Variants in DLG5 observed in about 807,000 individuals in gnomAD.
DLG5 encodes the protein disks large homolog 5.
A neutral mutation model predicts 189.8 loss-of-function variants in DLG5; 48 were observed. The observed-to-expected ratio is 0.25, with a 90% CI of 0.20 to 0.32. The LOEUF is 0.32. Ranked by LOEUF, DLG5 falls within the 10% of genes least tolerant of loss-of-function variation. DLG5 has a pLI of 1.00. For missense variants in DLG5, 2,160 were observed against 2,544.7 expected, an observed-to-expected ratio of 0.85 and a Z score of 3.25; for synonymous variants, 1,016 against 1,054.1, an observed-to-expected ratio of 0.96 and a Z score of 0.70.
At chr10:77,939,441 A>C in the DLG5 span, among the ~76,000 whole-genome samples, 2 of 151,054 alleles carry the variant, frequency 1.3e-5, no homozygotes, top group South Asian at 4.2e-4. Context: ...TAAAACAGAA[A>C]CCCCCCTGGG....
intron 7 of DLG5, 81 bp downstream of exon 7, chr10:77,841,800 C>T (rs150620766): frequency 1.0e-5 from 15 of 1,497,544 alleles, no homozygotes; most frequent in Middle Eastern, 1.8e-4. Context: ...GCTTCTAATC[C>T]GGACACCACG....
intron 2 of DLG5, among the ~76,000 whole-genome samples, chr10:77,857,963 CCT>C (rs1337556130): frequency 6.6e-6 from 1 of 152,166 alleles, no homozygotes; most frequent in Admixed American, 6.5e-5. Flanking sequence ...CCTGACCACC[CCT>C]GTCCCACTGA....
intron 1 of DLG5, among the ~76,000 whole-genome samples, chr10:77,916,422 C>G (rs1846358012): frequency 6.6e-6 from 1 of 152,064 alleles, no homozygotes; most frequent in Non-Finnish European, 1.5e-5. Context: ...TCCCAAGTAG[C>G]TGGGATTACA....
At chr10:77,816,222 TA>T in intron 20 of DLG5, 1 of 595,370 alleles carries the variant, frequency 1.7e-6, no homozygotes, top group Non-Finnish European at 3.2e-6. Context: ...AGGGTCCCTG[TA>T]AGGATCTCGT....
At position 77,792,435 on chromosome 10, in the gene DLG5, T is replaced by C; in HGVS notation, c.*5A>G. ...AGCTGCAGTCATCCACAGCACAGCA[T>C]TCTCCTAGAGCGGGCAGGCTGGAAT... On this transcript the variant is annotated 3_prime_UTR_variant, in exon 32 of 32. Coordinates refer to ENST00000372391, the MANE Select transcript of DLG5 (RefSeq NM_004747.4). 1 of 1,614,082 alleles carries C rather than the reference T, an allele frequency of 6.2e-7. No homozygotes were observed. Among genetic ancestry groups the C allele is most frequent in the Non-Finnish European group, 8.5e-7 (1 of 1,179,926 alleles).
chr10:77,802,006 A>G (rs552250040), intron 27 of DLG5, among the ~76,000 whole-genome samples: 70 of 152,314 alleles, frequency 4.6e-4, no homozygotes, highest in African/African-American at 1.5e-3. Flanking sequence ...TGACGTGAAG[A>G]TGGAGCAGAT....
rs750628056 is a variant in DLG5, at chr10:77,834,010, C to T, written c.1652G>A (p.Arg551Gln). Residue 551 changes from arginine to glutamine, a missense_variant, in exon 9 of 32, where the codon CGG (arginine) becomes CAG (glutamine). By Grantham distance (43) the Arg-to-Gln change is conservative. Around this residue, in one of 5 missense-constraint regions of DLG5, gnomAD observed 664 missense variants for 838.5 expected, o/e 0.79. Transcript: ENST00000372391. The part of the protein sequence containing the change: ...RTLCDNLRRE[R>Q]DRAVSELAEA... ...AGCCAGCTCGCTCACCGCACGGTCC[C>T]GCTCCCGCCTCAGGTTGTCACACAG... 1 of 1,609,442 alleles carries T rather than the reference C, an allele frequency of 6.2e-7. No individual in the cohort carries two copies. The highest frequency in any genetic ancestry group is 8.5e-7 in the Non-Finnish European group (1 of 1,179,888).
At chr10:77,815,108 T>C (rs943983095) in intron 20 of DLG5, among the ~76,000 whole-genome samples, 6 of 151,992 alleles carry the variant, frequency 3.9e-5, no homozygotes, top group African/African-American at 1.4e-4. Flanking sequence ...TGGCAGTGGG[T>C]GGCAAGGCCT....
chr10:77,853,252 G>T, intron 5 of DLG5, 102 bp downstream of exon 5: 1 of 1,145,132 alleles, frequency 8.7e-7, no homozygotes, highest in East Asian at 2.9e-5. Flanking sequence ...ACAGATGTGA[G>T]CCAACGTGCC....
intron 7 of DLG5, 145 bp from the exon 8 acceptor site, chr10:77,836,067 C>A (rs1365217842): frequency 5.1e-6 from 4 of 781,090 alleles, no homozygotes; most frequent in African/African-American, 1.8e-5. Flanking sequence ...CACCCCATAC[C>A]CCCAGTGACT....
chr10:77,885,453 C>T (rs555822257), intron 1 of DLG5, among the ~76,000 whole-genome samples: 2 of 152,068 alleles, frequency 1.3e-5, no homozygotes, highest in African/African-American at 2.4e-5. Context: ...TCTTGAGTAA[C>T]GAGGGAAAAT....
chr10:77,837,397 C>G (rs1843197989), intron 7 of DLG5, among the ~76,000 whole-genome samples: 1 of 152,124 alleles, frequency 6.6e-6, no homozygotes, highest in Non-Finnish European at 1.5e-5. Context: ...AGATGAGCAT[C>G]TAGGAGGGAG....
chr10:77,939,343 A>G, the DLG5 span, among the ~76,000 whole-genome samples: 46 of 152,288 alleles, frequency 3.0e-4, no homozygotes, highest in East Asian at 7.7e-3. Flanking sequence ...CATGGGCCCA[A>G]TCAGACTCTT....
At chr10:77,838,374 T>C (rs1843251659) in intron 7 of DLG5, among the ~76,000 whole-genome samples, 2 of 152,030 alleles carry the variant, frequency 1.3e-5, no homozygotes, top group Non-Finnish European at 2.9e-5. Flanking sequence ...CTGGGAGCAA[T>C]GAGACTTCCC....
chr10:77,823,882 G>T (rs1381408776), intron 14 of DLG5, among the ~76,000 whole-genome samples: 1 of 152,088 alleles, frequency 6.6e-6, no homozygotes, highest in Non-Finnish European at 1.5e-5. Context: ...GAGTGCAGTG[G>T]CACAATCACA....
At chr10:77,836,678 T>C (rs930131561) in intron 7 of DLG5, among the ~76,000 whole-genome samples, 1 of 152,134 alleles carries the variant, frequency 6.6e-6, no homozygotes, top group African/African-American at 2.4e-5. Flanking sequence ...CTGGAGTCAG[T>C]TGATAATTCC....
chr10:77,831,217 C>A (rs12242989), intron 9 of DLG5, among the ~76,000 whole-genome samples: 1 of 151,936 alleles, frequency 6.6e-6, no homozygotes, highest in Non-Finnish European at 1.5e-5. Flanking sequence ...CCAGCCTGAC[C>A]GACATGGTGA....
At chr10:77,930,794 C>T (rs1433643457), upstream of DLG5, among the ~76,000 whole-genome samples, 2 of 148,086 alleles carry the variant, frequency 1.4e-5, no homozygotes, top group Non-Finnish European at 3.0e-5. Flanking sequence ...ATTACAGGTG[C>T]GTATGACCAC....
intron 30 of DLG5, 30 bp downstream of exon 30, chr10:77,794,819 C>T: frequency 6.3e-7 from 1 of 1,594,056 alleles, no homozygotes; most frequent in South Asian, 1.1e-5. Flanking sequence ...TGACAAGGCC[C>T]CAGCGGAGCC....
Sources: allele counts gnomAD v4.1 joint callset (sites outside exome capture counted in the v4.1 genomes callset), GRCh38; gene constraint gnomAD v4.1.1; regional missense constraint gnomAD v4.1.1; transcripts MANE v1.5; gene names NCBI Gene and HGNC (gene_info 2026-07-23, HGNC 2026-07-21).